COMMD10: variants seen among roughly 807,000 people sequenced by gnomAD.
COMMD10 encodes the protein COMM domain containing 10, also known as COMM domain-containing protein 10.
COMMD10 carries 33 observed loss-of-function variants against 28.9 expected under a neutral mutation model. The observed-to-expected ratio is 1.14, with a 90% CI of 0.87 to 1.53. The LOEUF (loss-of-function observed/expected upper bound fraction) is 1.53. Ranked by LOEUF, COMMD10 falls within the 40% of genes most tolerant of loss-of-function variation. The probability of loss-of-function intolerance (pLI) is 0.00; values close to 1 mark genes in which losing one functional copy is unlikely to be tolerated. For synonymous variants in COMMD10, 110 were observed against 81.7 expected (o/e 1.35, Z -1.87); for missense variants, 310 against 233.4 (o/e 1.33, Z -2.14).
chr5:116,158,851 G>GTT (rs373892846), intron 5 of COMMD10, among the ~76,000 whole-genome samples: 43,209 of 144,664 alleles, frequency 0.3, 8,396 homozygotes, highest in African/African-American at 0.57. Flanking sequence ...GCAAACAGTT[G>GTT]TTTTTTTTTT....
chr5:116,191,797 C>T (rs1748378766), intron 5 of COMMD10, among the ~76,000 whole-genome samples: 1 of 151,980 alleles, frequency 6.6e-6, no homozygotes, highest in African/African-American at 2.4e-5. Flanking sequence ...ACAGCTGATG[C>T]TCTCTGGAAA....
intron 5 of COMMD10, among the ~76,000 whole-genome samples, chr5:116,274,505 G>A (rs954030148): frequency 1.3e-5 from 2 of 151,724 alleles, no homozygotes; most frequent in Admixed American, 1.3e-4. Flanking sequence ...CTTGGCCTGC[G>A]GACTATCAAT....
chr5:116,155,305 A>G (rs1752670800), intron 5 of COMMD10, among the ~76,000 whole-genome samples: 1 of 152,082 alleles, frequency 6.6e-6, no homozygotes, highest in African/African-American at 2.4e-5. Flanking sequence ...TTAACTGATG[A>G]CTTGGGTTGT....
intron 5 of COMMD10, among the ~76,000 whole-genome samples, chr5:116,220,594 C>T (rs368969709): frequency 5.7e-4 from 86 of 152,166 alleles, no homozygotes; most frequent in South Asian, 2.7e-3. Flanking sequence ...GATACATATG[C>T]AACCCAAGCA....
At chr5:116,173,468 A>T (rs1753401968) in intron 5 of COMMD10, among the ~76,000 whole-genome samples, 1 of 152,142 alleles carries the variant, frequency 6.6e-6, no homozygotes, top group Non-Finnish European at 1.5e-5. Context: ...CATGCAACTT[A>T]ATTTATACAG....
At chr5:116,270,647 A>G (rs902250047) in intron 5 of COMMD10, among the ~76,000 whole-genome samples, 1 of 151,860 alleles carries the variant, frequency 6.6e-6, no homozygotes, top group Admixed American at 6.6e-5. Context: ...AAGGTTATAT[A>G]TAAATTAGGA....
In COMMD10 at chr5:116,092,716, T is replaced by A. The variant is rs77798383; in HGVS notation, c.399+16T>A. On this transcript the variant is annotated intron_variant, in intron 4 of 6. Transcript: ENST00000274458. ...TCCCTGTAAGGTATAGAACATACTG[T>A]CTTAAATATGTTTTTCAATAACATA... The A allele has an allele frequency of 1.9e-3, 2,794 of 1,497,100 alleles. 49 individuals carry two copies. In the African/African-American group the frequency reaches 0.036, roughly 19 times the overall value. 92.7% of individuals were successfully genotyped at this position (1,497,100 alleles called of 1,614,324 possible). A position where few individuals can be genotyped will look rare whatever the true frequency, so the allele number is the denominator to read the frequency against.
chr5:116,198,313 A>G (rs953246534), intron 5 of COMMD10, among the ~76,000 whole-genome samples: 1 of 152,166 alleles, frequency 6.6e-6, no homozygotes, highest in Non-Finnish European at 1.5e-5. Flanking sequence ...ATTGGTTGTT[A>G]TGGAAGTCAT....
chr5:116,127,898 A>G (rs1255982191), intron 4 of COMMD10, among the ~76,000 whole-genome samples: 1 of 152,138 alleles, frequency 6.6e-6, no homozygotes, highest in East Asian at 1.9e-4. Context: ...CACGTTGTGC[A>G]CATGTACCCT....
rs969502307 is a variant in COMMD10, at chr5:116,115,740, A to G, written c.400-18328A>G. 9.2e-5 allele frequency among the ~76,000 whole-genome samples: 14 copies of G among 152,286 alleles called. No homozygotes were observed. The East Asian group carries it at 2.7e-3, about 29-fold the overall frequency. ...TGCCATACTAAATGTAAAAACTGAC[A>G]TGTCAAATGTTTTTGACATCAATGT... On this transcript the variant is annotated intron_variant, in intron 4 of 6. Transcript: ENST00000274458.
At chr5:116,251,077 G>C (rs1451889882) in intron 5 of COMMD10, among the ~76,000 whole-genome samples, 2 of 151,894 alleles carry the variant, frequency 1.3e-5, no homozygotes, top group Non-Finnish European at 2.9e-5. Flanking sequence ...AGAGCTCCTA[G>C]TTAATGCTAC....
chr5:116,133,933 A>G (rs769175915), intron 4 of COMMD10, 135 bp from the exon 5 acceptor site: 62 of 584,884 alleles, frequency 1.1e-4, no homozygotes, highest in Non-Finnish European at 1.5e-4. Context: ...TATGCAGGTT[A>G]AAAGAGCCCT....
intron 5 of COMMD10, among the ~76,000 whole-genome samples, chr5:116,214,586 C>A (rs1042492159): frequency 1.3e-5 from 2 of 152,172 alleles, no homozygotes; most frequent in Middle Eastern, 3.4e-3. Flanking sequence ...TCAAGGTGTT[C>A]TATGTGACCT....
intron 5 of COMMD10, among the ~76,000 whole-genome samples, chr5:116,248,890 G>C (rs894412702): frequency 6.6e-6 from 1 of 151,890 alleles, no homozygotes; most frequent in Non-Finnish European, 1.5e-5. Flanking sequence ...CATATTATTT[G>C]AAACAAAAGA....
chr5:116,170,220 A>G (rs1753276524), intron 5 of COMMD10, among the ~76,000 whole-genome samples: 1 of 152,216 alleles, frequency 6.6e-6, no homozygotes, highest in African/African-American at 2.4e-5. Context: ...CCAAATCATG[A>G]GCAAACTCCC....
At chr5:116,206,220 G>A (rs1056305850) in intron 5 of COMMD10, among the ~76,000 whole-genome samples, 2 of 152,080 alleles carry the variant, frequency 1.3e-5, no homozygotes, top group African/African-American at 2.4e-5. Flanking sequence ...TTAGGCCAGC[G>A]GAACTGTTTA....
At chr5:116,280,375 A>C (rs1751039622) in intron 5 of COMMD10, among the ~76,000 whole-genome samples, 1 of 151,870 alleles carries the variant, frequency 6.6e-6, no homozygotes, top group African/African-American at 2.4e-5. Context: ...TGGTTGTGAC[A>C]TCAATTATTA....
chr5:116,130,910 A>G (rs906125586), intron 4 of COMMD10, among the ~76,000 whole-genome samples: 1 of 152,050 alleles, frequency 6.6e-6, no homozygotes, highest in Admixed American at 6.6e-5. Context: ...TTTTGTTTGT[A>G]GTTTTAAAAT....
At chr5:116,210,081 C>A (rs1421962432) in intron 5 of COMMD10, among the ~76,000 whole-genome samples, 1 of 152,010 alleles carries the variant, frequency 6.6e-6, no homozygotes, top group Admixed American at 6.6e-5. Flanking sequence ...AAATCGGGGC[C>A]AAACTTATTC....
Sources: gnomAD v4.1 joint callset for allele counts (sites outside exome capture counted in the v4.1 genomes callset) on GRCh38, gnomAD v4.1.1 for gene constraint, MANE v1.5 for transcripts, NCBI Gene and HGNC (gene_info 2026-07-23, HGNC 2026-07-21) for gene names.